SMC1B: variants seen among roughly 807,000 people sequenced by gnomAD.
The protein encoded by SMC1B is structural maintenance of chromosomes 1B.
In SMC1B, 60 loss-of-function variants were observed where a neutral mutation model predicts 157.9. The ratio of observed to expected loss-of-function variants is 0.38; its 90% CI spans 0.31 to 0.47. The LOEUF is 0.47. Among genes scored for constraint, SMC1B ranks in the 20% least tolerant of loss-of-function variants. The probability of loss-of-function intolerance (pLI) is 0.99; values close to 1 mark genes in which losing one functional copy is unlikely to be tolerated. For missense variants in SMC1B, 1,165 were observed against 1,426.2 expected (o/e 0.82, Z 2.95); for synonymous variants, 445 against 483.0 (o/e 0.92, Z 1.03).
Position 45,369,960 on chromosome 22 carries a change from T to C in SMC1B, c.2414A>G (p.Gln805Arg), listed in dbSNP as rs1252577818. The C allele has an allele frequency of 6.5e-7, 1 of 1,548,902 alleles. No homozygotes were observed. Among genetic ancestry groups the C allele is most frequent in the Admixed American group, 1.8e-5 (1 of 56,018 alleles). ...KHVKRQQEIDQKRLEFEKQKT... is the reference protein window; with the variant it reads ...KHVKRQQEIDRKRLEFEKQKT... Reference sequence around the variant, plus strand: ...CATCTTTTTATAAAAATACCTTTTTTGATCAATTTCTTGTTGCCGTTTAAC... The same window carrying C: ...CATCTTTTTATAAAAATACCTTTTTCGATCAATTTCTTGTTGCCGTTTAAC... The change falls in exon 15 of 25, where the codon CAA becomes CGA. Residue 805 changes from glutamine to arginine, a missense_variant. By Grantham distance (43) the Gln-to-Arg change is conservative. Coordinates refer to ENST00000357450, the MANE Select transcript of SMC1B (RefSeq NM_148674.5).
chr22:45,397,367 A>G (rs1213891368), intron 6 of SMC1B, among the ~76,000 whole-genome samples: 1 of 152,072 alleles, frequency 6.6e-6, no homozygotes, highest in Non-Finnish European at 1.5e-5. Flanking sequence ...AAATTTAAAA[A>G]TTAGACAGGT....
intron 12 of SMC1B, among the ~76,000 whole-genome samples, chr22:45,377,660 T>C (rs1434247122): frequency 6.6e-6 from 1 of 151,990 alleles, no homozygotes; most frequent in Non-Finnish European, 1.5e-5. Context: ...AAATTCCTTG[T>C]ATAACTTTTG....
intron 24 of SMC1B, among the ~76,000 whole-genome samples, chr22:45,345,214 G>A (rs182458289): frequency 6.6e-6 from 1 of 152,270 alleles, no homozygotes; most frequent in Non-Finnish European, 1.5e-5. Flanking sequence ...CTTATTTCAC[G>A]AAACAAAACT....
chr22:45,381,413 C>T (rs1250089777), intron 12 of SMC1B, among the ~76,000 whole-genome samples: 1 of 152,060 alleles, frequency 6.6e-6, no homozygotes, highest in Non-Finnish European at 1.5e-5. Flanking sequence ...TCTCTGGTAT[C>T]CCTGGACTCT....
In SMC1B at chr22:45,394,665, A is replaced by AT. The variant is rs752728309; in HGVS notation, c.1337+19dup. 2.1e-5 allele frequency: 31 copies of AT among 1,504,756 alleles called. No individual in the cohort carries two copies. The highest frequency in any genetic ancestry group is 1.8e-4 in the Middle Eastern group (1 of 5,448). 93.2% of individuals were successfully genotyped at this position (1,504,756 alleles called of 1,614,324 possible). A position where few individuals can be genotyped will look rare whatever the true frequency, so the allele number is the denominator to read the frequency against. On this transcript the variant is annotated intron_variant, in intron 8 of 24. Transcript: ENST00000357450. ...AAATAAAAGAAAATTGCTGCAAGAAATTTTTTTTACTCTACCTACATGCAT... is the reference window on the plus strand; with the variant it reads ...AAATAAAAGAAAATTGCTGCAAGAAATTTTTTTTTACTCTACCTACATGCAT...
intron 5 of SMC1B, 130 bp from the exon 6 acceptor site, chr22:45,399,483 T>G: frequency 1.1e-6 from 1 of 875,862 alleles, no homozygotes; most frequent in Non-Finnish European, 1.7e-6. Context: ...TGTAAGCAGA[T>G]CAATGGTTGC....
intron 22 of SMC1B, 38 bp downstream of exon 22, chr22:45,352,413 G>T: frequency 6.3e-7 from 1 of 1,589,054 alleles, no homozygotes; most frequent in Non-Finnish European, 8.6e-7. Flanking sequence ...CTTGGCTTCT[G>T]CCCTGATATG....
chr22:45,404,970 C>T (rs569804988), intron 4 of SMC1B, among the ~76,000 whole-genome samples: 1 of 152,210 alleles, frequency 6.6e-6, no homozygotes, highest in South Asian at 2.1e-4. Flanking sequence ...ATAAACGCTA[C>T]AAAAGAAACA....
chr22:45,360,581 G>A (rs987181507), intron 17 of SMC1B, among the ~76,000 whole-genome samples: 1 of 152,034 alleles, frequency 6.6e-6, no homozygotes, highest in African/African-American at 2.4e-5. Context: ...GGAAGGCCAA[G>A]GGAATAGGAT....
intron 13 of SMC1B, 79 bp downstream of exon 13, chr22:45,372,076 T>G: frequency 4.9e-5 from 59 of 1,203,254 alleles, no homozygotes; most frequent in Middle Eastern, 3.0e-4. Flanking sequence ...GAAAATTACA[T>G]GGAGCTATAT....
intron 23 of SMC1B, among the ~76,000 whole-genome samples, chr22:45,347,485 G>A (rs920384904): frequency 6.6e-6 from 1 of 152,190 alleles, no homozygotes; most frequent in Non-Finnish European, 1.5e-5. Flanking sequence ...AGCAATCAAG[G>A]AGGTCAGCTT....
Position 45,408,760 on chromosome 22 carries a change from A to G in SMC1B, c.248T>C (p.Ile83Thr), listed in dbSNP as rs2087294036. The G allele has an allele frequency of 1.9e-6, 3 of 1,599,842 alleles. No individual in the cohort carries two copies. The highest frequency in any genetic ancestry group is 1.3e-5 in the African/African-American group (1 of 74,320). ...CTCTTCGCCACTTTCCTCCACATAT[A>G]TAATTTTTACACTTGCAGAAGAAGA... ...PISSSASVKI[I>T]YVEESGEEKT... Residue 83 changes from isoleucine (I) to threonine (T), a missense_variant, in exon 2 of 25, where the codon ATA becomes ACA. Ile to Thr is a moderately conservative substitution (Grantham distance 89, BLOSUM62 -1). Coordinates refer to ENST00000357450, the MANE Select transcript of SMC1B (RefSeq NM_148674.5).
intron 10 of SMC1B, among the ~76,000 whole-genome samples, chr22:45,388,024 C>T (rs2087008900): frequency 7.8e-6 from 1 of 128,160 alleles, no homozygotes; most frequent in Non-Finnish European, 1.6e-5. Context: ...AAGGGTGAGC[C>T]TCTGTCAAAA....
intron 12 of SMC1B, 88 bp from the exon 13 acceptor site, chr22:45,372,380 T>G: frequency 8.8e-7 from 1 of 1,129,970 alleles, no homozygotes; most frequent in Non-Finnish European, 1.2e-6. Flanking sequence ...AATTCACTGA[T>G]TTTTACATAC....
rs750916010 is a variant in SMC1B, at chr22:45,386,848, T to C, written c.1911+19A>G. On this transcript the variant is annotated intron_variant, in intron 11 of 24. Coordinates refer to ENST00000357450, the MANE Select transcript of SMC1B (RefSeq NM_148674.5). ...TACTTCAACTTATCCAAAGGTGTGA[T>C]CCAAGCCTCTTTTCTTACTTTCTGT... The C allele has an allele frequency of 4.3e-6, 7 of 1,609,400 alleles. No homozygotes were observed. The highest frequency in any genetic ancestry group is 5.9e-6 in the Non-Finnish European group (7 of 1,176,682).
chr22:45,370,568 A>G (rs1446954021), intron 14 of SMC1B, among the ~76,000 whole-genome samples: 1 of 152,222 alleles, frequency 6.6e-6, no homozygotes, highest in Non-Finnish European at 1.5e-5. Flanking sequence ...GATGAGAAAG[A>G]ACTATTTTAA....
At chr22:45,401,216 GC>G (rs1204223121) in intron 5 of SMC1B, among the ~76,000 whole-genome samples, 1 of 152,116 alleles carries the variant, frequency 6.6e-6, no homozygotes, top group African/African-American at 2.4e-5. Flanking sequence ...TGATACAGGG[GC>G]TAAAAATAAA....
Position 45,389,618 on chromosome 22 carries a change from T to A in SMC1B, c.1731+94A>T. The A allele has an allele frequency of 4.5e-6, 5 of 1,117,702 alleles. No homozygotes were observed. In the South Asian group the frequency reaches 8.1e-5, roughly 18 times the overall value. 69.2% of individuals were successfully genotyped at this position (1,117,702 alleles called of 1,614,324 possible). On this transcript the variant is annotated intron_variant, in intron 10 of 24. Coordinates refer to ENST00000357450, the MANE Select transcript of SMC1B (RefSeq NM_148674.5). ...CTAACTGGCATCCAAGCTACAATTT[T>A]TCTCTATCACTATCATAGTTTTAGG...
chr22:45,349,337 GTTTT>G (rs2086585643), intron 23 of SMC1B, among the ~76,000 whole-genome samples: 3 of 143,904 alleles, frequency 2.1e-5, no homozygotes, highest in African/African-American at 7.8e-5. Flanking sequence ...TTTTTGTTTT[GTTTT>G]GTTTTGTTTT....
Sources: allele counts gnomAD v4.1 joint callset (sites outside exome capture counted in the v4.1 genomes callset), GRCh38; gene constraint gnomAD v4.1.1; transcripts MANE v1.5; gene names NCBI Gene and HGNC (gene_info 2026-07-23, HGNC 2026-07-21).